SPAG4: variants seen among roughly 807,000 people sequenced by gnomAD.
The protein encoded by SPAG4 is sperm associated antigen 4, also known as sperm-associated antigen 4 protein.
SPAG4 carries 54 observed loss-of-function variants against 53.9 expected under a neutral mutation model. That is an observed-to-expected ratio of 1.00 (90% CI 0.80 to 1.26). The LOEUF is 1.26. SPAG4 is among the 50% of genes most tolerant of loss of function. The pLI, the probability that SPAG4 is intolerant of heterozygous loss-of-function variation, is 0.00. For missense variants in SPAG4, 548 were observed against 568.6 expected (o/e 0.96, Z 0.37); for synonymous variants, 246 against 237.4 (o/e 1.04, Z -0.33).
chr20:35,618,404 A>G, intron 5 of SPAG4, 46 bp from the exon 6 acceptor site: 1 of 1,613,012 alleles, frequency 6.2e-7, no homozygotes, highest in Non-Finnish European at 8.5e-7. Context: ...AGGAGCAAGG[A>G]CGACGGGAGC....
chr20:35,616,922 G>T (rs1359948200), intron 1 of SPAG4: 3 of 565,026 alleles, frequency 5.3e-6, no homozygotes, highest in South Asian at 2.2e-5. Context: ...GAGCCACCGC[G>T]CCCGGCCAGG....
At position 35,618,630 on chromosome 20, in the gene SPAG4, G is replaced by C. The variant is rs760866703; in HGVS notation, c.627G>C (p.Val209=). 1 of 1,599,814 alleles carries C rather than the reference G, an allele frequency of 6.3e-7. No individual in the cohort carries two copies. Among genetic ancestry groups the C allele is most frequent in the East Asian group, 2.2e-5 (1 of 44,558 alleles). Residue 209 remains valine, a synonymous_variant, in exon 7 of 12, where the codon GTG becomes GTC. Coordinates refer to ENST00000374273, the MANE Select transcript of SPAG4 (RefSeq NM_003116.3). ...CCTCCAGTGAGTACCACGAGCGCGTGCGCTCCCAGGGGCAGCAGCTGCAGC... is the reference window on the plus strand; with the variant it reads ...CCTCCAGTGAGTACCACGAGCGCGTCCGCTCCCAGGGGCAGCAGCTGCAGC... The part of the protein sequence containing the change: ...MLTLSEYHER[V]RSQGQQLQQL...
chr20:35,617,318 G>A, intron 2 of SPAG4, 78 bp downstream of exon 2: 1 of 1,105,040 alleles, frequency 9.0e-7, no homozygotes, highest in Non-Finnish European at 1.3e-6. Context: ...TGAGCCCCCG[G>A]CCCCCGTTTG....
At chr20:35,618,742 A>C in intron 7 of SPAG4, 22 bp downstream of exon 7, 1 of 1,538,458 alleles carries the variant, frequency 6.5e-7, no homozygotes, top group Non-Finnish European at 8.9e-7. Flanking sequence ...CCCACCTTGG[A>C]AACCCCTGAT....
chr20:35,616,468 C>G (rs1386709681), intron 1 of SPAG4, 161 bp downstream of exon 1: 1 of 799,608 alleles, frequency 1.3e-6, no homozygotes, highest in Non-Finnish European at 1.5e-6. Context: ...AGGGGCGGAG[C>G]CTCGGTGTCC....
In SPAG4 at chr20:35,620,911, C is replaced by A. The variant is rs976987827; in HGVS notation, c.1203C>A (p.Ile401=). 3 of 1,614,074 alleles carry A rather than the reference C, an allele frequency of 1.9e-6. No individual in the cohort carries two copies. The highest frequency in any genetic ancestry group is 1.1e-5 in the South Asian group (1 of 91,090). Residue 401 remains isoleucine (I), a synonymous_variant, in exon 12 of 12, where the codon ATC becomes ATA. Transcript: ENST00000374273. ...DPPAAFPKVK[I]QILSNWGHPR... ...CAGCTGCCTTTCCCAAGGTGAAGATCCAGATTCTAAGCAACTGGGGCCACC... is the reference window on the plus strand; with the variant it reads ...CAGCTGCCTTTCCCAAGGTGAAGATACAGATTCTAAGCAACTGGGGCCACC...
chr20:35,618,180 C>G, intron 5 of SPAG4, 50 bp downstream of exon 5: 1 of 1,578,984 alleles, frequency 6.3e-7, no homozygotes, highest in South Asian at 1.1e-5. Flanking sequence ...GTTGTGAACC[C>G]GGAGATTGTG....
At chr20:35,618,815 G>A in intron 7 of SPAG4, 95 bp downstream of exon 7, 1 of 1,430,738 alleles carries the variant, frequency 7.0e-7, no homozygotes, top group South Asian at 1.2e-5. Context: ...GATTTCTCCC[G>A]GTGCCCACGA....
At chr20:35,617,434 G>C in intron 2 of SPAG4, 86 bp from the exon 3 acceptor site, 1 of 1,186,198 alleles carries the variant, frequency 8.4e-7, no homozygotes. Flanking sequence ...CCCCTCCCAA[G>C]CCCCTTCTGA....
In SPAG4 at chr20:35,617,183, C is replaced by T. The variant is rs1415125122; in HGVS notation, c.352C>T (p.Pro118Ser). The part of the protein sequence containing the change: ...VVSEEPLDLL[P>S]TLDLRQEMPP... The stretch of plus-strand genomic sequence containing the variant: ...CTCTGAGGAGCCGCTCGACCTTCTC[C>T]CGACCCTGGATCTGAGGCAGGAGAT... The change falls in exon 2 of 12, where the codon CCG becomes TCG. Residue 118 changes from proline (P) to serine (S), a missense_variant. By Grantham distance (74) the Pro-to-Ser change is moderately conservative. Transcript: ENST00000374273. 5.6e-6 allele frequency: 9 copies of T among 1,601,266 alleles called. No individual in the cohort carries two copies. The East Asian group carries it at 2.0e-4, about 36-fold the overall frequency.
rs1238159730 is a variant in SPAG4, at chr20:35,620,212, C to G, written c.1077+466C>G. On this transcript the variant is annotated intron_variant, in intron 10 of 11. Transcript: ENST00000374273. ...TCTCAAACTCCTGACCTCAAGTGAT[C>G]CGCCTTCCTCGGCCTTCTGAAATGC... 7.2e-5 allele frequency among the ~76,000 whole-genome samples: 11 copies of G among 152,164 alleles called. No homozygotes were observed. In the South Asian group the frequency reaches 1.9e-3, roughly 26 times the overall value.
chr20:35,616,558 T>G, intron 1 of SPAG4: 1 of 188,370 alleles, frequency 5.3e-6, no homozygotes, highest in Non-Finnish European at 9.2e-6. Flanking sequence ...TTAGCGTGAG[T>G]GGCTCCCAGG....
In SPAG4 at chr20:35,619,765, A is replaced by G; in HGVS notation, c.1077+19A>G. On this transcript the variant is annotated intron_variant, in intron 10 of 11. Transcript: ENST00000374273. ...GGTCTTTGTGAGTGCGGACGAGGTC[A>G]GGAGGTGGGGGATTTTGCCTAGAGA... 6.3e-7 allele frequency: 1 copy of G among 1,594,894 alleles called. No individual in the cohort carries two copies. Among genetic ancestry groups the G allele is most frequent in the Non-Finnish European group, 8.6e-7 (1 of 1,167,128 alleles).
chr20:35,619,758 C>G lies in SPAG4; in HGVS notation c.1077+12C>G, dbSNP rs75675007. ...ATTTCGCGGTCTTTGTGAGTGCGGA[C>G]GAGGTCAGGAGGTGGGGGATTTTGC... On this transcript the variant is annotated intron_variant, in intron 10 of 11. Coordinates refer to ENST00000374273, the MANE Select transcript of SPAG4 (RefSeq NM_003116.3). The G allele has an allele frequency of 3.1e-3, 4,908 of 1,601,624 alleles. 140 individuals are homozygous for G. The African/African-American group carries it at 0.058, about 19-fold the overall frequency.
chr20:35,619,112 A>ACCCCCCCCCCCCCCCCCCCCCCCCCC, intron 8 of SPAG4, 83 bp from the exon 9 acceptor site: 1 of 821,964 alleles, frequency 1.2e-6, no homozygotes, highest in Non-Finnish European at 1.9e-6. Flanking sequence ...GACAGCCCCC[A>ACCCCCCCCCCCCCCCCCCCCCCCCCC]CCCGCCCCCA....
chr20:35,617,129 C>A lies in SPAG4; in HGVS notation c.305-7C>A, dbSNP rs892737214. On this transcript the variant is annotated splice_region_variant and splice_polypyrimidine_tract_variant and intron_variant, in intron 1 of 11. Transcript: ENST00000374273. The stretch of plus-strand genomic sequence containing the variant: ...AAGGCCCCAGTGGAGCCCTTGGGTT[C>A]CCGCAGAACCGACTGGGTCTCCAGT... The A allele has an allele frequency of 5.7e-6, 9 of 1,569,480 alleles. No individual in the cohort carries two copies. In the African/African-American group the frequency reaches 1.2e-4, roughly 21 times the overall value.
In SPAG4 at chr20:35,618,579, GC is replaced by G. The variant is rs1453190870; in HGVS notation, c.609-31del. The G allele has an allele frequency of 6.3e-6, 10 of 1,597,086 alleles. No homozygotes were observed. The East Asian group carries it at 6.7e-5, about 11-fold the overall frequency. On this transcript the variant is annotated intron_variant, in intron 6 of 11. Transcript: ENST00000374273. Reference sequence around the variant, plus strand: ...TGGGAGGTGTCCAGGGGGACAGGGAGCCAACCCCACGGCGCCCACCTCCCAC... The same window carrying G: ...TGGGAGGTGTCCAGGGGGACAGGGAGCAACCCCACGGCGCCCACCTCCCAC...
chr20:35,621,057 T>G lies in SPAG4; in HGVS notation c.*35T>G. The G allele has an allele frequency of 6.2e-7, 1 of 1,606,706 alleles. No individual in the cohort carries two copies. The highest frequency in any genetic ancestry group is 1.1e-5 in the South Asian group (1 of 90,924). On this transcript the variant is annotated 3_prime_UTR_variant, in exon 12 of 12. Transcript: ENST00000374273. ...TTTTTGGAGTAGAATTGAGTTCTGCTGAAGGATACTGGATCAGTGCTTTCG... is the reference window on the plus strand; with the variant it reads ...TTTTTGGAGTAGAATTGAGTTCTGCGGAAGGATACTGGATCAGTGCTTTCG...
At position 35,619,271 on chromosome 20, in the gene SPAG4, C is replaced by G; in HGVS notation, c.870C>G (p.Ser290Arg). ...RNTAYFWNRF[S>R]FWNYARPPTV... ...CTGCCTACTTCTGGAATCGCTTCAG[C>G]TTCTGGAACTACGCACGGCCGCCCA... Residue 290 changes from serine (S) to arginine (R), a missense_variant, in exon 9 of 12, where the codon AGC becomes AGG. Coordinates refer to ENST00000374273, the MANE Select transcript of SPAG4 (RefSeq NM_003116.3). 2 of 1,614,122 alleles carry G rather than the reference C, an allele frequency of 1.2e-6. No homozygotes were observed. The highest frequency in any genetic ancestry group is 1.7e-6 in the Non-Finnish European group (2 of 1,179,992).
Sources: gnomAD v4.1 joint callset for allele counts (sites outside exome capture counted in the v4.1 genomes callset) on GRCh38, gnomAD v4.1.1 for gene constraint, MANE v1.5 for transcripts, NCBI Gene and HGNC (gene_info 2026-07-23, HGNC 2026-07-21) for gene names.